Variants in EPB41L4B observed in about 807,000 individuals in gnomAD.
EPB41L4B encodes band 4.1-like protein 4B.
A neutral mutation model predicts 112.5 loss-of-function variants in EPB41L4B; 30 were observed. The ratio of observed to expected loss-of-function variants is 0.27; its 90% CI spans 0.20 to 0.36. The LOEUF is 0.36. EPB41L4B is among the 10% of genes least tolerant of loss of function. The pLI, the probability that EPB41L4B is intolerant of heterozygous loss-of-function variation, is 1.00. For missense variants in EPB41L4B, 1,024 were observed against 1,133.3 expected (o/e 0.90, Z 1.38); for synonymous variants, 408 against 439.7 (o/e 0.93, Z 0.90).
intron 1 of EPB41L4B, among the ~76,000 whole-genome samples, chr9:109,289,011 C>A (rs750338273): frequency 6.6e-6 from 1 of 152,088 alleles, no homozygotes; most frequent in Non-Finnish European, 1.5e-5. Context: ...AGACACCCAC[C>A]CCCTAGTGGG....
chr9:109,298,452 T>A (rs1426637514), intron 1 of EPB41L4B, among the ~76,000 whole-genome samples: 1 of 152,086 alleles, frequency 6.6e-6, no homozygotes. Flanking sequence ...TAGCTGGGAT[T>A]ACAGGCGCCT....
intron 15 of EPB41L4B, among the ~76,000 whole-genome samples, chr9:109,235,390 C>CTTTTTTT (rs758330838): frequency 5.7e-5 from 5 of 87,248 alleles, no homozygotes; most frequent in East Asian, 3.7e-4. Flanking sequence ...TTCAGCTAGA[C>CTTTTTTT]TTTTTTTTTT....
intron 1 of EPB41L4B, among the ~76,000 whole-genome samples, chr9:109,299,152 A>G (rs1421325369): frequency 6.6e-6 from 1 of 152,224 alleles, no homozygotes; most frequent in Admixed American, 6.5e-5. Context: ...CTGCCACTCC[A>G]TGGGAAATCA....
At chr9:109,203,212 A>C (rs999940254) in intron 19 of EPB41L4B, among the ~76,000 whole-genome samples, 3 of 152,206 alleles carry the variant, frequency 2.0e-5, no homozygotes, top group African/African-American at 7.2e-5. Flanking sequence ...TCCAGCACTA[A>C]CAAGAAGCTC....
chr9:109,258,391 A>T, intron 6 of EPB41L4B, 94 bp from the exon 7 acceptor site: 1 of 1,345,162 alleles, frequency 7.4e-7, no homozygotes, highest in Non-Finnish European at 1.0e-6. Flanking sequence ...ATCATTATAA[A>T]GCACAGCCCC....
At chr9:109,179,799 C>T (rs1275866812) in intron 24 of EPB41L4B, among the ~76,000 whole-genome samples, 2 of 152,118 alleles carry the variant, frequency 1.3e-5, no homozygotes, top group Non-Finnish European at 1.5e-5. Flanking sequence ...CACTTCTGTC[C>T]ACCTCCACCA....
At chr9:109,239,794 G>A in intron 15 of EPB41L4B, 1 of 983,500 alleles carries the variant, frequency 1.0e-6, no homozygotes, top group Non-Finnish European at 1.2e-6. Context: ...GGAGCCCACA[G>A]ATAAGGGTTT....
At chr9:109,219,255 A>G (rs577487757) in intron 15 of EPB41L4B, among the ~76,000 whole-genome samples, 1 of 152,288 alleles carries the variant, frequency 6.6e-6, no homozygotes, top group Admixed American at 6.5e-5. Context: ...AGTTTTTCCT[A>G]AGATTTAACA....
intron 1 of EPB41L4B, among the ~76,000 whole-genome samples, chr9:109,296,292 C>T (rs1044420704): frequency 1.3e-5 from 2 of 152,182 alleles, no homozygotes; most frequent in African/African-American, 4.8e-5. Context: ...AGTGACTGTT[C>T]CCCCATAAGC....
At chr9:109,309,045 A>T (rs1837321162) in intron 1 of EPB41L4B, among the ~76,000 whole-genome samples, 1 of 152,194 alleles carries the variant, frequency 6.6e-6, no homozygotes, top group South Asian at 2.1e-4. Flanking sequence ...ACTGCACTCC[A>T]GCCTAGGTGA....
chr9:109,228,534 T>A (rs1287262740), intron 15 of EPB41L4B, among the ~76,000 whole-genome samples: 1 of 152,198 alleles, frequency 6.6e-6, no homozygotes, highest in African/African-American at 2.4e-5. Flanking sequence ...AGCAGTAAAA[T>A]ATTTCCTGAC....
chr9:109,320,328 C>A lies in EPB41L4B; in HGVS notation c.119G>T (p.Gly40Val), dbSNP rs1341158286. 3 of 988,770 alleles carry A rather than the reference C, an allele frequency of 3.0e-6. No individual in the cohort carries two copies. In the African/African-American group the frequency reaches 5.3e-5, roughly 17 times the overall value. 61.2% of individuals were successfully genotyped at this position (988,770 alleles called of 1,614,324 possible). ...CGAGGAGGAGGCGGCGGCGGCCGGGCCCCCCCGTGGCCCCCCATCGCGCTC... is the reference window on the plus strand; with the variant it reads ...CGAGGAGGAGGCGGCGGCGGCCGGGACCCCCCGTGGCCCCCCATCGCGCTC... ...GDERDGGPRG[G>V]PAAAASSSAL... Residue 40 changes from glycine (G) to valine (V), a missense_variant, in exon 1 of 26, where the codon GGC becomes GTC. Transcript: ENST00000374566.
At position 109,252,449 on chromosome 9, in the gene EPB41L4B, G is replaced by C. The variant is rs140764424; in HGVS notation, c.1280-938C>G. 5.3e-5 allele frequency among the ~76,000 whole-genome samples: 8 copies of C among 152,274 alleles called. No individual in the cohort carries two copies. In the East Asian group the frequency reaches 1.4e-3, roughly 26 times the overall value. On this transcript the variant is annotated intron_variant, in intron 12 of 25. Coordinates refer to ENST00000374566, the MANE Select transcript of EPB41L4B (RefSeq NM_019114.5). ...ATCCCCTGGCCTCTCTCGAAGGGCA[G>C]GACTATTTCCTGTGCTGTGGGCATT... is the stretch of plus-strand genomic sequence containing the variant.
Position 109,282,698 on chromosome 9 carries a change from C to CT in EPB41L4B, c.307-2778dup, listed in dbSNP as rs1056843064. On this transcript the variant is annotated intron_variant, in intron 1 of 25. Transcript: ENST00000374566. ...CCACTCAGGACAAATGATCTCATTT[C>CT]TTTTTTTTTGAAATGGAGTTTTGCT... Among the ~76,000 whole-genome samples the CT allele has an allele frequency of 1.7e-4, 25 of 151,482 alleles. No homozygotes were observed. In the East Asian group the frequency reaches 1.9e-3, roughly 12 times the overall value.
chr9:109,211,864 C>T (rs192567351), intron 17 of EPB41L4B, among the ~76,000 whole-genome samples: 6 of 149,658 alleles, frequency 4.0e-5, no homozygotes, highest in East Asian at 2.0e-4. Flanking sequence ...TACAGGTGCC[C>T]GCCACCACAA....
intron 22 of EPB41L4B, among the ~76,000 whole-genome samples, chr9:109,190,646 C>A (rs73517300): frequency 6.6e-6 from 1 of 152,166 alleles, no homozygotes; most frequent in Non-Finnish European, 1.5e-5. Context: ...CAGGGAAAGA[C>A]ACAGACACAT....
chr9:109,178,613 GT>G (rs565888711), intron 24 of EPB41L4B, among the ~76,000 whole-genome samples: 1 of 151,332 alleles, frequency 6.6e-6, no homozygotes, highest in Admixed American at 6.6e-5. Context: ...CATAACTGGG[GT>G]TTTTTTTAGT....
Position 109,250,677 on chromosome 9 carries a change from G to A in EPB41L4B, c.1310+804C>T, listed in dbSNP as rs547897918. Among the ~76,000 whole-genome samples, 3 of 152,298 alleles carry A rather than the reference G, an allele frequency of 2.0e-5. No individual in the cohort carries two copies. The East Asian group carries it at 5.8e-4, about 29-fold the overall frequency. On this transcript the variant is annotated intron_variant, in intron 13 of 25. Transcript: ENST00000374566. ...AAGCTATATGGGTCCCACCCTGAGA[G>A]ACTGATTCAATGCGCCTGGGGTGTG...
chr9:109,302,598 AG>A (rs1458134208), intron 1 of EPB41L4B, among the ~76,000 whole-genome samples: 1 of 152,082 alleles, frequency 6.6e-6, no homozygotes. Context: ...CATGACTGAC[AG>A]GGATGTCATC....
Sources: allele counts gnomAD v4.1 joint callset (sites outside exome capture counted in the v4.1 genomes callset), GRCh38; gene constraint gnomAD v4.1.1; transcripts MANE v1.5; gene names NCBI Gene and HGNC (gene_info 2026-07-23, HGNC 2026-07-21).